The following NNT variants were observed in gnomAD, a reference collection of about 807,000 sequenced individuals.
NNT encodes the protein NAD(P) transhydrogenase, mitochondrial.
NNT carries 50 observed loss-of-function variants against 104.8 expected under a neutral mutation model. The ratio of observed to expected loss-of-function variants is 0.48; its 90% CI spans 0.38 to 0.60. The LOEUF is 0.60. Among genes scored for constraint, NNT ranks in the 20% least tolerant of loss-of-function variants. The pLI, the probability that NNT is intolerant of heterozygous loss-of-function variation, is 0.00. For synonymous variants in NNT, 461 were observed against 490.4 expected (o/e 0.94, Z 0.79); for missense variants, 1,131 against 1,330.7 (o/e 0.85, Z 2.33).
intron 19 of NNT, among the ~76,000 whole-genome samples, chr5:43,695,626 G>A (rs1742517833): frequency 6.6e-6 from 1 of 152,176 alleles, no homozygotes; most frequent in African/African-American, 2.4e-5. Context: ...AAAGGACTGA[G>A]GATGTTTTGC....
intron 17 of NNT, among the ~76,000 whole-genome samples, chr5:43,668,117 T>C (rs1740817825): frequency 6.6e-6 from 1 of 152,318 alleles, no homozygotes; most frequent in African/African-American, 2.4e-5. Context: ...GATGGGATTG[T>C]TTGTTTTTTT....
chr5:43,617,742 A>G lies in NNT; in HGVS notation c.600-1290A>G, dbSNP rs146501136. Among the ~76,000 whole-genome samples, 10 of 152,324 alleles carry G rather than the reference A, an allele frequency of 6.6e-5. No individual in the cohort carries two copies. The South Asian group carries it at 1.0e-3, about 16-fold the overall frequency. ...TTTCAGAATAGCAACTGAATCTTTT[A>G]GAGCATTAATTCCACAATTAATTTC... On this transcript the variant is annotated intron_variant, in intron 4 of 21. Transcript: ENST00000344920.
At chr5:43,619,517 T>A (rs184030803) in intron 5 of NNT, among the ~76,000 whole-genome samples, 1 of 152,352 alleles carries the variant, frequency 6.6e-6, no homozygotes, top group African/African-American at 2.4e-5. Flanking sequence ...TTCTTGTCAA[T>A]TTTTGGATCA....
chr5:43,699,616 A>G (rs1009636931), intron 19 of NNT, among the ~76,000 whole-genome samples: 1 of 152,124 alleles, frequency 6.6e-6, no homozygotes, highest in African/African-American at 2.4e-5. Flanking sequence ...GGCCTTCCAA[A>G]GTGCGGGGAT....
intron 7 of NNT, among the ~76,000 whole-genome samples, chr5:43,633,156 G>A (rs181745290): frequency 2.6e-5 from 4 of 152,210 alleles, no homozygotes; most frequent in Admixed American, 2.0e-4. Context: ...CAGTAGCTTG[G>A]GCGACTTGGG....
chr5:43,634,480 T>C (rs923983870), intron 7 of NNT, among the ~76,000 whole-genome samples: 9 of 152,224 alleles, frequency 5.9e-5, no homozygotes, highest in African/African-American at 2.2e-4. Context: ...CTGTATGCAT[T>C]ATGATCATAA....
At chr5:43,689,823 A>C (rs192646645) in intron 19 of NNT, among the ~76,000 whole-genome samples, 8 of 152,358 alleles carry the variant, frequency 5.3e-5, no homozygotes, top group Non-Finnish European at 1.2e-4. Flanking sequence ...ATAAAAAGCA[A>C]TCACAACCTC....
In NNT at chr5:43,649,229, C is replaced by A; in HGVS notation, c.1527C>A (p.Gly509=). Residue 509 remains glycine, a synonymous_variant, in exon 11 of 22, where the codon GGC becomes GGA. Transcript: ENST00000344920. ...TGGTGACCACTTTTGGCTTGGCTGG[C>A]ATTGTGGGGTATCATACCGTCTGGG... The part of the protein sequence containing the change: ...SQMVTTFGLA[G]IVGYHTVWGV... The A allele has an allele frequency of 6.2e-7, 1 of 1,614,152 alleles. No homozygotes were observed. Among genetic ancestry groups the A allele is most frequent in the Non-Finnish European group, 8.5e-7 (1 of 1,180,016 alleles).
chr5:43,639,352 CACAT>C (rs985863035), intron 7 of NNT, among the ~76,000 whole-genome samples: 2 of 152,116 alleles, frequency 1.3e-5, no homozygotes, highest in Non-Finnish European at 2.9e-5. Flanking sequence ...ATAAATAGAA[CACAT>C]GCATGAGGCA....
intron 17 of NNT, among the ~76,000 whole-genome samples, chr5:43,672,539 C>T (rs545532152): frequency 6.6e-6 from 1 of 152,338 alleles, no homozygotes; most frequent in South Asian, 2.1e-4. Context: ...TTGGAGTTTG[C>T]TGGAGGTCCA....
Position 43,700,234 on chromosome 5 carries a change from C to T in NNT, c.2992C>T (p.Pro998Ser). ...LEMDEINHDF[P>S]DTDLVLVIGA... ...AATGGATGAGATCAACCATGATTTT[C>T]CAGGTAAGTGGTGGGGGCAATTGTG... The change falls in exon 20 of 22, where the codon CCA becomes TCA. Residue 998 changes from proline (P) to serine (S), a missense_variant. Physicochemically the swap from Pro to Ser is moderately conservative, Grantham distance 74. Transcript: ENST00000344920. 6.2e-7 allele frequency: 1 copy of T among 1,607,390 alleles called. No individual in the cohort carries two copies. The highest frequency in any genetic ancestry group is 1.1e-5 in the South Asian group (1 of 90,534).
rs777597032 is a variant in NNT, at chr5:43,650,429, T to C, written c.1607-48T>C. 1.3e-5 allele frequency: 17 copies of C among 1,309,506 alleles called. 1 individual carries two copies. The highest frequency in any genetic ancestry group is 1.9e-5 in the Non-Finnish European group (17 of 903,822). 81.1% of individuals were successfully genotyped at this position (1,309,506 alleles called of 1,614,324 possible). ...AGGTACTTCAGCTATGATATTTGATTTGGTGGTGTCACTATCACTATTAAC... is the reference window on the plus strand; with the variant it reads ...AGGTACTTCAGCTATGATATTTGATCTGGTGGTGTCACTATCACTATTAAC... On this transcript the variant is annotated intron_variant, in intron 11 of 21. Coordinates refer to ENST00000344920, the MANE Select transcript of NNT (RefSeq NM_182977.3).
chr5:43,687,871 A>G (rs930446607), intron 19 of NNT, among the ~76,000 whole-genome samples: 2 of 152,192 alleles, frequency 1.3e-5, no homozygotes, highest in African/African-American at 4.8e-5. Flanking sequence ...GGTCCAAGAT[A>G]CCTCAGTTAA....
intron 6 of NNT, among the ~76,000 whole-genome samples, chr5:43,624,975 T>A (rs1240165770): frequency 1.3e-5 from 2 of 152,168 alleles, no homozygotes; most frequent in Non-Finnish European, 2.9e-5. Context: ...TAGAATATGG[T>A]TAATAGTCTT....
rs1743075423 is a variant in NNT at position 43,705,746 on chromosome 5, CT to C, written c.*1343del. 1 of 151,168 alleles carries C rather than the reference CT, an allele frequency of 6.6e-6. No homozygotes were observed. Among genetic ancestry groups the C allele is most frequent in the African/African-American group, 2.4e-5 (1 of 40,928 alleles). 9.4% of individuals were successfully genotyped at this position (151,168 alleles called of 1,614,324 possible). ...GGTTTTATAATCAGTTTCTATTTTG[CT>C]GTGCCTGAGATTAAGATCTGTGTAT... On this transcript the variant is annotated 3_prime_UTR_variant, in exon 22 of 22. Transcript: ENST00000344920.
chr5:43,661,560 C>T (rs4866837), intron 17 of NNT, among the ~76,000 whole-genome samples: 1 of 108,990 alleles, frequency 9.2e-6, no homozygotes, highest in Admixed American at 1.1e-4. Context: ...TCCCTCCCCC[C>T]TCCCCCCACC....
chr5:43,694,434 A>C (rs551586381), intron 19 of NNT, among the ~76,000 whole-genome samples: 49 of 152,278 alleles, frequency 3.2e-4, no homozygotes, highest in African/African-American at 1.2e-3. Flanking sequence ...GATGGCTCTT[A>C]CTATTTTGAG....
chr5:43,605,452 C>T (rs1749160821), intron 1 of NNT, among the ~76,000 whole-genome samples: 1 of 127,012 alleles, frequency 7.9e-6, no homozygotes, highest in Non-Finnish European at 1.6e-5. Context: ...GGAAGCGGAG[C>T]TTGCAGTGAG....
At chr5:43,642,887 A>G (rs973096192) in intron 7 of NNT, among the ~76,000 whole-genome samples, 1 of 152,236 alleles carries the variant, frequency 6.6e-6, no homozygotes, top group Admixed American at 6.5e-5. Context: ...AGAACTAAAG[A>G]TAATCAGGCT....
Sources: allele counts gnomAD v4.1 joint callset (sites outside exome capture counted in the v4.1 genomes callset), GRCh38; gene constraint gnomAD v4.1.1; transcripts MANE v1.5; gene names NCBI Gene and HGNC (gene_info 2026-07-23, HGNC 2026-07-21).